DYNC2H1: variants seen among roughly 807,000 people sequenced by gnomAD.
DYNC2H1 encodes the protein cytoplasmic dynein 2 heavy chain 1.
DYNC2H1 carries 410 observed loss-of-function variants against 570.0 expected under a neutral mutation model. That is an observed-to-expected ratio of 0.72 (90% confidence interval 0.66 to 0.78). The LOEUF is 0.78. DYNC2H1 is among the 30% of genes least tolerant of loss of function. The probability of loss-of-function intolerance (pLI) is 0.00; values close to 1 mark genes in which losing one functional copy is unlikely to be tolerated. For synonymous variants in DYNC2H1, 1,688 were observed against 1,677.6 expected (o/e 1.01, Z -0.15); for missense variants, 4,865 against 5,046.4 (o/e 0.96, Z 1.09).
Position 103,228,181 on chromosome 11 carries a change from G to A in DYNC2H1, c.9354-3079G>A, listed in dbSNP as rs981683701. ...TAAGTGGAGCATTTACGCCATTTAC[G>A]TTCAGTGTTAGTATTGAGATGGGAG... On this transcript the variant is annotated intron_variant, in intron 59 of 88. Transcript: ENST00000375735. The surrounding 1 kb of genome is among the most constrained non-coding windows in gnomAD (Gnocchi z 6.1). Among the ~76,000 whole-genome samples the A allele has an allele frequency of 1.3e-5, 2 of 152,084 alleles. No homozygotes were observed. The highest frequency in any genetic ancestry group is 6.6e-5 in the Admixed American group (1 of 15,254).
Position 103,479,745 on chromosome 11 carries a change from AATT to A in DYNC2H1, c.*496_*498del, listed in dbSNP as rs1311091738. The A allele has an allele frequency of 2.0e-5, 3 of 151,878 alleles. No individual in the cohort carries two copies. The highest frequency in any genetic ancestry group is 1.3e-4 in the Admixed American group (2 of 15,238). The allele number at this position is 151,878 out of a possible 1,614,324, so 9.4% of individuals were successfully genotyped here. A position where few individuals can be genotyped will look rare whatever the true frequency, so the allele number is the denominator to read the frequency against. On this transcript the variant is annotated 3_prime_UTR_variant, in exon 89 of 89. Transcript: ENST00000375735. ...TGCTAATTATAATATACAAATATAT[AATT>A]ATTGTCATAATTATATACTTATAAC...
intron 83 of DYNC2H1, among the ~76,000 whole-genome samples, chr11:103,366,927 ATTTAT>A (rs1419436745): frequency 6.6e-6 from 1 of 152,104 alleles, no homozygotes; most frequent in Non-Finnish European, 1.5e-5. Flanking sequence ...TTTTTCTTGC[ATTTAT>A]TTTAAAGATG....
chr11:103,259,930 T>C lies in DYNC2H1; in HGVS notation c.10648T>C (p.Ser3550Pro), dbSNP rs200460601. 527 of 1,551,114 alleles carry C rather than the reference T, an allele frequency of 3.4e-4. No individual in the cohort carries two copies. Among genetic ancestry groups the C allele is most frequent in the Non-Finnish European group, 4.5e-4 (514 of 1,147,064 alleles). The change falls in exon 70 of 89, where the codon TCA becomes CCA. Residue 3550 changes from serine (S) to proline (P), a missense_variant. This residue lies in a region of DYNC2H1 where 2,401 missense variants were observed against 2,454.6 expected (regional missense o/e 0.98). Coordinates refer to ENST00000375735, the MANE Select transcript of DYNC2H1 (RefSeq NM_001377.3). ...ACAGAGAATCCAGTCACTTATCAGC[T>C]CATTACAACATATGGTATATGAATA... The part of the protein sequence containing the change: ...TEQRIQSLIS[S>P]LQHMVYEYIC...
chr11:103,213,650 T>C lies in DYNC2H1; in HGVS notation c.8694+1707T>C, dbSNP rs554552337. On this transcript the variant is annotated intron_variant, in intron 54 of 88. Coordinates refer to ENST00000375735, the MANE Select transcript of DYNC2H1 (RefSeq NM_001377.3). The stretch of plus-strand genomic sequence containing the variant: ...TTTAAAAAAAAAAAATCTATTCAGA[T>C]CCTTTGCCTGCTTTTTAATGGAATT... Among the ~76,000 whole-genome samples, 121 of 151,972 alleles carry C rather than the reference T, an allele frequency of 8.0e-4. 3 individuals carry two copies. In the South Asian group the frequency reaches 0.023, roughly 28 times the overall value.
intron 47 of DYNC2H1, among the ~76,000 whole-genome samples, chr11:103,193,795 G>A (rs539660528): frequency 5.3e-5 from 8 of 152,026 alleles, no homozygotes; most frequent in Non-Finnish European, 8.8e-5. Context: ...TGATCTGCCC[G>A]CCTTGGCCTC....
At chr11:103,111,153 T>A (rs1858094659) in intron 1 of DYNC2H1, among the ~76,000 whole-genome samples, 1 of 152,242 alleles carries the variant, frequency 6.6e-6, no homozygotes, top group African/African-American at 2.4e-5. Flanking sequence ...GATGATTGAA[T>A]CATTCACCCT....
intron 84 of DYNC2H1, among the ~76,000 whole-genome samples, chr11:103,401,035 A>G (rs1031006310): frequency 1.3e-5 from 2 of 152,300 alleles, no homozygotes; most frequent in African/African-American, 2.4e-5. Context: ...TTCTTGGCAC[A>G]GTGAAGGAAC....
chr11:103,428,575 G>A (rs1447729085), intron 84 of DYNC2H1, among the ~76,000 whole-genome samples: 1 of 152,064 alleles, frequency 6.6e-6, no homozygotes, highest in African/African-American at 2.4e-5. Flanking sequence ...TTGCTGTACA[G>A]CTAATTTCCA....
Position 103,236,452 on chromosome 11 carries a change from T to G in DYNC2H1, c.9732T>G (p.Leu3244=), listed in dbSNP as rs1864224009. The G allele has an allele frequency of 6.2e-7, 1 of 1,606,244 alleles. No individual in the cohort carries two copies. The highest frequency in any genetic ancestry group is 1.3e-5 in the African/African-American group (1 of 74,718). ...CAGAATTTGATCTGAGGAGATTTCTTTGTACTGAAAGTGAGCAGTTAATTT... is the reference window on the plus strand; with the variant it reads ...CAGAATTTGATCTGAGGAGATTTCTGTGTACTGAAAGTGAGCAGTTAATTT... ...GLEKFDLRRF[L]CTESEQLIWK... Residue 3244 remains leucine (L), a synonymous_variant, in exon 63 of 89, where the codon CTT becomes CTG. Transcript: ENST00000375735.
chr11:103,304,598 G>A lies in DYNC2H1; in HGVS notation c.11260G>A (p.Ala3754Thr), dbSNP rs1198183050. Reference protein sequence around the residue: ...ERSGECYHQVAMGQGQADLAI... With the variant: ...ERSGECYHQVTMGQGQADLAI... ...GTTTGTTTTTTTGCTTTTGTAGGTTGCCATGGGTCAAGGTCAAGCTGATTT... is the reference window on the plus strand; with the variant it reads ...GTTTGTTTTTTTGCTTTTGTAGGTTACCATGGGTCAAGGTCAAGCTGATTT... Residue 3754 changes from alanine to threonine, a missense_variant, in exon 77 of 89, where the codon GCC (alanine) becomes ACC (threonine). By Grantham distance (58) the Ala-to-Thr change is moderately conservative. Coordinates refer to ENST00000375735, the MANE Select transcript of DYNC2H1 (RefSeq NM_001377.3). The A allele has an allele frequency of 1.2e-6, 2 of 1,609,070 alleles. No individual in the cohort carries two copies. The highest frequency in any genetic ancestry group is 1.7e-6 in the Non-Finnish European group (2 of 1,177,120).
intron 88 of DYNC2H1, among the ~76,000 whole-genome samples, chr11:103,473,869 C>G (rs931467377): frequency 2.6e-5 from 4 of 152,086 alleles, no homozygotes; most frequent in Non-Finnish European, 4.4e-5. Context: ...GCACAATTGA[C>G]AATTCAGCTT....
rs58016632 is a variant in DYNC2H1, at chr11:103,243,256, T to TATAG, written c.9820-389_9820-386dup. The stretch of plus-strand genomic sequence containing the variant: ...TTATAGTTTTTATTCAAACAAAGAA[T>TATAG]ATAGATAGATAGATAGATAGATAGA... On this transcript the variant is annotated intron_variant, in intron 63 of 88. Transcript: ENST00000375735. This position sits in a 1 kb window ranked among gnomAD's most constrained non-coding sequence, Gnocchi z 4.8. 7.2e-3 allele frequency among the ~76,000 whole-genome samples: 1,061 copies of TATAG among 146,596 alleles called. 6 individuals carry two copies. Among genetic ancestry groups the TATAG allele is most frequent in the Admixed American group, 0.01 (151 of 14,578 alleles).
intron 26 of DYNC2H1, among the ~76,000 whole-genome samples, chr11:103,158,212 C>T (rs1860920125): frequency 6.6e-6 from 1 of 152,188 alleles, no homozygotes; most frequent in Admixed American, 6.5e-5. Context: ...CTTTGGGAGG[C>T]CGAGGCGGGC....
At chr11:103,176,461 G>T (rs779830551) in intron 37 of DYNC2H1, 27 bp downstream of exon 37, 1 of 1,418,130 alleles carries the variant, frequency 7.1e-7, no homozygotes, top group South Asian at 1.7e-5. Context: ...TTTTATAATA[G>T]ATTGATCCCT....
intron 83 of DYNC2H1, among the ~76,000 whole-genome samples, chr11:103,385,566 C>T (rs528508626): frequency 1.1e-4 from 17 of 152,206 alleles, no homozygotes; most frequent in Admixed American, 3.9e-4. Flanking sequence ...GATAATAAAA[C>T]TTATATTAGC....
At chr11:103,310,564 G>A (rs1867529791) in intron 78 of DYNC2H1, among the ~76,000 whole-genome samples, 1 of 151,118 alleles carries the variant, frequency 6.6e-6, no homozygotes, top group Non-Finnish European at 1.5e-5. Flanking sequence ...GTAGTGTGCA[G>A]AAATTTGGCC....
rs1414922819 is a variant in DYNC2H1 at position 103,264,862 on chromosome 11, T to C, written c.10695+4885T>C. Among the ~76,000 whole-genome samples, 1 of 152,190 alleles carries C rather than the reference T, an allele frequency of 6.6e-6. No individual in the cohort carries two copies. The highest frequency in any genetic ancestry group is 1.5e-5 in the Non-Finnish European group (1 of 68,028). ...CTATTCAACATGGTACTGGAAGTTCTGGCCAGGGCAAAGTGGCAAGAGAAA... is the reference window on the plus strand; with the variant it reads ...CTATTCAACATGGTACTGGAAGTTCCGGCCAGGGCAAAGTGGCAAGAGAAA... On this transcript the variant is annotated intron_variant, in intron 70 of 88. Transcript: ENST00000375735. The surrounding 1 kb of genome is among the most constrained non-coding windows in gnomAD (Gnocchi z 4.8).
intron 10 of DYNC2H1, among the ~76,000 whole-genome samples, chr11:103,122,161 C>T (rs1591271979): frequency 6.6e-6 from 1 of 152,088 alleles, no homozygotes; most frequent in South Asian, 2.1e-4. Context: ...GACTTACTAA[C>T]TGGTATGTGG....
intron 24 of DYNC2H1, 55 bp from the exon 25 acceptor site, chr11:103,155,276 C>A: frequency 6.8e-7 from 1 of 1,468,952 alleles, no homozygotes; most frequent in Non-Finnish European, 9.0e-7. Flanking sequence ...TTGCATTTTG[C>A]TAATATATGT....
Sources: gnomAD v4.1 joint callset for allele counts (sites outside exome capture counted in the v4.1 genomes callset) on GRCh38, gnomAD v4.1.1 for gene constraint, gnomAD v4.1.1 regional missense constraint, Gnocchi (gnomAD v3.1) non-coding constraint, MANE v1.5 for transcripts, NCBI Gene and HGNC (gene_info 2026-07-23, HGNC 2026-07-21) for gene names.